The following SAXO1 variants were observed in gnomAD, a reference collection of about 807,000 sequenced individuals.
SAXO1 encodes stabilizer of axonemal microtubules 1, also known as 4930500O09Rik.
In SAXO1, 21 loss-of-function variants were observed where a neutral mutation model predicts 17.5. That is an observed-to-expected ratio of 1.20 (90% CI 0.85 to 1.72). SAXO1 has a LOEUF of 1.72. Ranked by LOEUF, SAXO1 falls within the 40% of genes most tolerant of loss-of-function variation. The probability of loss-of-function intolerance (pLI) is 0.00; values close to 1 mark genes in which losing one functional copy is unlikely to be tolerated. For synonymous variants in SAXO1, 274 were observed against 216.5 expected (o/e 1.27, Z -2.33); for missense variants, 843 against 596.0 (o/e 1.41, Z -4.32).
chr9:19,034,706 G>A (rs1835890715), upstream of SAXO1, among the ~76,000 whole-genome samples: 1 of 152,182 alleles, frequency 6.6e-6, no homozygotes, highest in Non-Finnish European at 1.5e-5. Context: ...GAACTCTACA[G>A]GGGAGGATGG....
intron 2 of SAXO1, among the ~76,000 whole-genome samples, chr9:18,943,020 G>A (rs1162759966): frequency 1.3e-5 from 2 of 152,202 alleles, no homozygotes; most frequent in African/African-American, 4.8e-5. Flanking sequence ...CCCACTTCCT[G>A]GCCAAAATCT....
chr9:19,008,582 G>C (rs1456654801), intron 1 of SAXO1, among the ~76,000 whole-genome samples: 3 of 152,152 alleles, frequency 2.0e-5, no homozygotes, highest in Non-Finnish European at 2.9e-5. Context: ...GGCAGAAAAT[G>C]CTAGATACCT....
At chr9:18,967,129 G>A (rs1295705042) in intron 1 of SAXO1, among the ~76,000 whole-genome samples, 1 of 152,198 alleles carries the variant, frequency 6.6e-6, no homozygotes, top group Non-Finnish European at 1.5e-5. Context: ...CTTCATCCCA[G>A]AGGGGCACCT....
intron 1 of SAXO1, among the ~76,000 whole-genome samples, chr9:18,991,718 A>T (rs751358933): frequency 4.0e-4 from 61 of 152,298 alleles, no homozygotes; most frequent in Non-Finnish European, 6.6e-4. Context: ...AGTACAATTT[A>T]AAAAAATTAA....
chr9:19,041,377 A>T (rs909547707), intron 1 of SAXO1, among the ~76,000 whole-genome samples: 1 of 152,218 alleles, frequency 6.6e-6, no homozygotes, highest in Non-Finnish European at 1.5e-5. Flanking sequence ...TACCCAAAGC[A>T]ATCTACAGAT....
At chr9:19,043,409 A>AG (rs1836125137) in intron 1 of SAXO1, among the ~76,000 whole-genome samples, 1 of 151,964 alleles carries the variant, frequency 6.6e-6, no homozygotes, top group East Asian at 1.9e-4. Flanking sequence ...GAAGGATAAC[A>AG]GGGGGGTTAA....
Position 18,928,422 on chromosome 9 carries a change from G to A in SAXO1, c.1055C>T (p.Thr352Ile), listed in dbSNP as rs774269266. The A allele has an allele frequency of 3.7e-5, 60 of 1,609,096 alleles. No homozygotes were observed. In the African/African-American group the frequency reaches 7.5e-4, roughly 20 times the overall value. ...CTGGGGAACGGGCTTGACTGGCTCTGTGCGCATGCTGGACCACTGCTTGTA... is the reference window on the plus strand; with the variant it reads ...CTGGGGAACGGGCTTGACTGGCTCTATGCGCATGCTGGACCACTGCTTGTA... ...DDYKQWSSMR[T>I]EPVKPVPQLD... The change falls in exon 4 of 4, where the codon ACA (threonine) becomes ATA (isoleucine). Residue 352 changes from threonine (T) to isoleucine (I), a missense_variant. Coordinates refer to ENST00000380534, the MANE Select transcript of SAXO1 (RefSeq NM_153707.4).
chr9:19,028,027 A>G, intron 1 of SAXO1: 2 of 1,608,536 alleles, frequency 1.2e-6, no homozygotes, highest in Non-Finnish European at 1.7e-6. Flanking sequence ...GGAGGCGGGT[A>G]TGATCGCACT....
intron 1 of SAXO1, among the ~76,000 whole-genome samples, chr9:19,046,771 T>C (rs1836228032): frequency 6.6e-6 from 1 of 151,006 alleles, no homozygotes; most frequent in Non-Finnish European, 1.5e-5. Context: ...GAGGCTGGCA[T>C]GTGAGGATCC....
intron 1 of SAXO1, among the ~76,000 whole-genome samples, chr9:18,998,061 C>G (rs1366341472): frequency 3.3e-5 from 5 of 152,122 alleles, no homozygotes; most frequent in Non-Finnish European, 5.9e-5. Flanking sequence ...GCCCTTTCTC[C>G]TCCAAAGGAA....
chr9:18,933,470 T>C (rs1214720713), intron 3 of SAXO1, among the ~76,000 whole-genome samples: 1 of 152,216 alleles, frequency 6.6e-6, no homozygotes, highest in Non-Finnish European at 1.5e-5. Flanking sequence ...ATTTACCTAA[T>C]TACATTTACC....
Position 19,046,182 on chromosome 9 carries a change from T to C in SAXO1, c.-158+3027A>G, listed in dbSNP as rs373002039. ...AAACGGGATAAAAACTTTTTCTTAA[T>C]GTTACTATTATCCTCAGAGAGATAA... On this transcript the variant is annotated intron_variant, in intron 1 of 3. Transcript: ENST00000542071. Among the ~76,000 whole-genome samples, 6 of 151,846 alleles carry C rather than the reference T, an allele frequency of 4.0e-5. No homozygotes were observed. The East Asian group carries it at 5.8e-4, about 15-fold the overall frequency.
chr9:19,013,862 C>T (rs1039579960), intron 1 of SAXO1, among the ~76,000 whole-genome samples: 2 of 152,062 alleles, frequency 1.3e-5, no homozygotes, highest in East Asian at 1.9e-4. Flanking sequence ...ATTTAAAACT[C>T]ATGAGATTTT....
rs566457913 is a variant in SAXO1 at position 18,928,556 on chromosome 9, C to T, written c.921G>A (p.Val307=). Reference sequence around the variant, plus strand: ...CCTTAGGGCATGTGTAATGGGCCTGCACTGTTGTCAGAAGATCCATCCTGT... The same window carrying T: ...CCTTAGGGCATGTGTAATGGGCCTGTACTGTTGTCAGAAGATCCATCCTGT... ...PEDRMDLLTT[V]QAHYTCPKGA... The change falls in exon 4 of 4, where the codon GTG becomes GTA. Residue 307 remains valine, a synonymous_variant. Transcript: ENST00000380534. 10 of 1,614,022 alleles carry T rather than the reference C, an allele frequency of 6.2e-6. No homozygotes were observed. The highest frequency in any genetic ancestry group is 4.5e-5 in the East Asian group (2 of 44,862).
At chr9:19,013,617 G>C (rs1272180171) in intron 1 of SAXO1, among the ~76,000 whole-genome samples, 1 of 126,390 alleles carries the variant, frequency 7.9e-6, no homozygotes, top group African/African-American at 3.1e-5. Context: ...TACAATCTCC[G>C]CTCACTGCAA....
intron 1 of SAXO1, among the ~76,000 whole-genome samples, chr9:19,020,564 G>A (rs1437739747): frequency 6.6e-6 from 1 of 152,064 alleles, no homozygotes; most frequent in Non-Finnish European, 1.5e-5. Context: ...TCACCATGCA[G>A]CCCAGGCTGG....
At chr9:19,048,025 G>C (rs952939697) in intron 1 of SAXO1, among the ~76,000 whole-genome samples, 1 of 152,122 alleles carries the variant, frequency 6.6e-6, no homozygotes, top group Non-Finnish European at 1.5e-5. Flanking sequence ...TTGTATTATG[G>C]AATTTCACTC....
chr9:18,950,825 C>CTCTGGGCAGG lies in SAXO1; in HGVS notation c.141_150dup (p.Glu51ProfsTer43). On this transcript the variant is annotated frameshift_variant, in exon 2 of 4. Transcript: ENST00000380534. LOFTEE classifies it high-confidence loss of function. ...TACTCCCGCCTTGGCTTGAAGGACTCTCTGGGCAGGTAGGAGTGATAGAAA... is the reference window on the plus strand; with the variant it reads ...TACTCCCGCCTTGGCTTGAAGGACTCTCTGGGCAGGTCTGGGCAGGTAGGAGTGATAGAAA... The CTCTGGGCAGG allele has an allele frequency of 6.2e-7, 1 of 1,613,830 alleles. No homozygotes were observed. Among genetic ancestry groups the CTCTGGGCAGG allele is most frequent in the Non-Finnish European group, 8.5e-7 (1 of 1,179,790 alleles).
At chr9:18,970,431 C>T (rs1418001090) in intron 1 of SAXO1, among the ~76,000 whole-genome samples, 2 of 152,142 alleles carry the variant, frequency 1.3e-5, no homozygotes, top group East Asian at 3.9e-4. Context: ...TCAACTGTTA[C>T]CTTTGAGGTC....
Sources: allele counts gnomAD v4.1 joint callset (sites outside exome capture counted in the v4.1 genomes callset), GRCh38; gene constraint gnomAD v4.1.1; transcripts MANE v1.5; gene names NCBI Gene and HGNC (gene_info 2026-07-23, HGNC 2026-07-21).